CLPB: variants seen among roughly 807,000 people sequenced by gnomAD.
CLPB encodes the protein ClpB family mitochondrial disaggregase.
A neutral mutation model predicts 78.4 loss-of-function variants in CLPB; 40 were observed. The ratio of observed to expected loss-of-function variants is 0.51; its 90% CI spans 0.40 to 0.66. CLPB has a LOEUF of 0.66. Among genes scored for constraint, CLPB ranks in the 30% least tolerant of loss-of-function variants. The probability of loss-of-function intolerance (pLI) is 0.00; values close to 1 mark genes in which losing one functional copy is unlikely to be tolerated. For synonymous variants in CLPB, 333 were observed against 348.0 expected (o/e 0.96, Z 0.48); for missense variants, 780 against 886.9 (o/e 0.88, Z 1.53).
At chr11:72,336,886 T>C (rs1950332219) in intron 5 of CLPB, 1 of 390,346 alleles carries the variant, frequency 2.6e-6, no homozygotes, top group Admixed American at 4.5e-5. Context: ...CTCCACTCTG[T>C]CCCCACCTGT....
chr11:72,333,987 G>A (rs1321740804), intron 5 of CLPB, among the ~76,000 whole-genome samples: 4 of 152,168 alleles, frequency 2.6e-5, no homozygotes, highest in Non-Finnish European at 4.4e-5. Flanking sequence ...GAGACCTCTG[G>A]AAGGGGAAGA....
chr11:72,431,609 A>C (rs762112352), intron 1 of CLPB, among the ~76,000 whole-genome samples: 2 of 152,134 alleles, frequency 1.3e-5, no homozygotes, highest in South Asian at 2.1e-4. Context: ...ACCTTACCGG[A>C]TGTACCTAAA....
At chr11:72,349,398 A>C (rs1950572628) in intron 5 of CLPB, among the ~76,000 whole-genome samples, 1 of 152,242 alleles carries the variant, frequency 6.6e-6, no homozygotes, top group African/African-American at 2.4e-5. Context: ...TTCAGGAAGG[A>C]GTCTGTGGTC....
chr11:72,433,654 G>A (rs530927069), intron 1 of CLPB, among the ~76,000 whole-genome samples: 14 of 152,158 alleles, frequency 9.2e-5, no homozygotes, highest in Non-Finnish European at 1.9e-4. Flanking sequence ...CTTTGGTGGC[G>A]GGGGGTAGGG....
chr11:72,416,735 CAAAAAAA>C (rs35655496), intron 2 of CLPB, among the ~76,000 whole-genome samples: 24 of 50,678 alleles, frequency 4.7e-4, no homozygotes, highest in Non-Finnish European at 5.9e-4. Flanking sequence ...GACTCCGTCT[CAAAAAAA>C]AAAAAAAAAA....
At chr11:72,338,182 G>A (rs567186393) in intron 5 of CLPB, among the ~76,000 whole-genome samples, 1 of 152,290 alleles carries the variant, frequency 6.6e-6, no homozygotes, top group South Asian at 2.1e-4. Context: ...GGGGAGTGAG[G>A]AGATGAGGAT....
intron 12 of CLPB, among the ~76,000 whole-genome samples, chr11:72,294,936 G>A (rs1265549066): frequency 6.6e-6 from 1 of 150,890 alleles, no homozygotes; most frequent in Non-Finnish European, 1.5e-5. Context: ...GTGTGAGGGA[G>A]GGAGAGGAGA....
chr11:72,328,973 A>T (rs536022543), intron 6 of CLPB, among the ~76,000 whole-genome samples: 2 of 152,308 alleles, frequency 1.3e-5, no homozygotes, highest in South Asian at 4.1e-4. Context: ...TCTCTCCTTC[A>T]ACTCGAACAA....
chr11:72,399,964 G>A lies in CLPB; in HGVS notation c.542+3002C>T, dbSNP rs1252835988. On this transcript the variant is annotated intron_variant, in intron 3 of 15. Transcript: ENST00000538039. ...ACTACTCACAGGGCACCTTAACAAT[G>A]AGGCCTACTCACCCTGACCAATGTA... is the stretch of plus-strand genomic sequence containing the variant. Among the ~76,000 whole-genome samples the A allele has an allele frequency of 1.3e-5, 2 of 152,138 alleles. 1 individual carries two copies. Among genetic ancestry groups the A allele is most frequent in the African/African-American group, 4.8e-5 (2 of 41,428 alleles).
chr11:72,367,811 T>C (rs1950972911), intron 4 of CLPB, among the ~76,000 whole-genome samples: 1 of 151,314 alleles, frequency 6.6e-6, no homozygotes, highest in South Asian at 2.1e-4. Context: ...AGAAATGAGG[T>C]AGGAATTCTA....
intron 11 of CLPB, among the ~76,000 whole-genome samples, chr11:72,297,697 GTGTGT>G (rs1949579851): frequency 8.1e-6 from 1 of 123,538 alleles, no homozygotes; most frequent in Admixed American, 8.6e-5. Flanking sequence ...GTGTGTGTGT[GTGTGT>G]GACATGTCCA....
chr11:72,425,158 C>T (rs949842154), intron 2 of CLPB, among the ~76,000 whole-genome samples: 6 of 152,200 alleles, frequency 3.9e-5, no homozygotes, highest in Non-Finnish European at 7.3e-5. Flanking sequence ...ATATTTATGG[C>T]AACTTGAATC....
At chr11:72,433,774 T>C (rs1856617972) in intron 1 of CLPB, among the ~76,000 whole-genome samples, 1 of 151,800 alleles carries the variant, frequency 6.6e-6, no homozygotes, top group African/African-American at 2.4e-5. Context: ...AGGCAGAATA[T>C]GAGAAACATA....
chr11:72,300,535 G>A (rs1192606623), intron 11 of CLPB, among the ~76,000 whole-genome samples: 1 of 152,174 alleles, frequency 6.6e-6, no homozygotes, highest in Non-Finnish European at 1.5e-5. Context: ...GCAGGGAGCA[G>A]CTGAAGGGCT....
At chr11:72,295,782 C>A in intron 11 of CLPB, 134 bp from the exon 12 acceptor site, 1 of 832,378 alleles carries the variant, frequency 1.2e-6, no homozygotes, top group Non-Finnish European at 1.9e-6. Context: ...CAGCCAGCTG[C>A]TTCCTCCTCT....
intron 11 of CLPB, among the ~76,000 whole-genome samples, chr11:72,300,282 C>T (rs899557474): frequency 1.3e-5 from 2 of 152,162 alleles, no homozygotes; most frequent in Non-Finnish European, 2.9e-5. Context: ...TAAATTGATA[C>T]ACATAAGCCT....
In CLPB at chr11:72,420,294, T is replaced by C. The variant is rs930118814; in HGVS notation, c.455+10018A>G. Among the ~76,000 whole-genome samples, 10 of 150,970 alleles carry C rather than the reference T, an allele frequency of 6.6e-5. No homozygotes were observed. In the East Asian group the frequency reaches 2.0e-3, roughly 30 times the overall value. On this transcript the variant is annotated intron_variant, in intron 2 of 15. Transcript: ENST00000538039. The stretch of plus-strand genomic sequence containing the variant: ...GGTGGGCGGATCAAGAGGTCAGGAG[T>C]TCAAGACCAGCCAACATGGTGAAAC...
At chr11:72,388,730 A>G (rs1156496925) in intron 3 of CLPB, among the ~76,000 whole-genome samples, 3 of 152,172 alleles carry the variant, frequency 2.0e-5, no homozygotes, top group African/African-American at 7.2e-5. Flanking sequence ...AAGAGCTCCA[A>G]ACGGGTCAGG....
chr11:72,321,986 T>C (rs753842454), intron 6 of CLPB, among the ~76,000 whole-genome samples: 2 of 151,398 alleles, frequency 1.3e-5, no homozygotes, highest in Non-Finnish European at 2.9e-5. Context: ...GGGATGACGA[T>C]GGAGAAAGCC....
Sources: gnomAD v4.1 joint callset for allele counts (sites outside exome capture counted in the v4.1 genomes callset) on GRCh38, gnomAD v4.1.1 for gene constraint, MANE v1.5 for transcripts, NCBI Gene and HGNC (gene_info 2026-07-23, HGNC 2026-07-21) for gene names.